SUSD3: variants seen among roughly 807,000 people sequenced by gnomAD.
The protein encoded by SUSD3 is sushi domain-containing protein 3.
In SUSD3, 18 loss-of-function variants were observed where a neutral mutation model predicts 20.6. The observed-to-expected ratio is 0.87, with a 90% confidence interval of 0.60 to 1.30. The LOEUF is 1.30. Among genes scored for constraint, SUSD3 ranks in the 50% most tolerant of loss-of-function variants. The pLI is 0.00. For missense variants in SUSD3, 306 were observed against 346.9 expected (o/e 0.88, Z 0.94); for synonymous variants, 137 against 141.5 (o/e 0.97, Z 0.23).
At chr9:93,058,993 C>T (rs1825395263) in intron 1 of SUSD3, among the ~76,000 whole-genome samples, 163 bp downstream of exon 1, 1 of 152,204 alleles carries the variant, frequency 6.6e-6, no homozygotes. Flanking sequence ...GCCCAGCAGG[C>T]GCCCTAGCGG....
chr9:93,074,182 C>T (rs373504938), intron 1 of SUSD3, among the ~76,000 whole-genome samples: 31 of 152,028 alleles, frequency 2.0e-4, no homozygotes, highest in African/African-American at 6.0e-4. Context: ...TGGTGGCTCA[C>T]GTCTGTAATC....
At chr9:93,076,036 G>A in intron 2 of SUSD3, 64 bp downstream of exon 2, 1 of 1,427,278 alleles carries the variant, frequency 7.0e-7, no homozygotes, top group Non-Finnish European at 9.6e-7. Context: ...TCCTGTCATG[G>A]GGATGGTGTG....
At chr9:93,065,100 G>C (rs1042320163) in intron 1 of SUSD3, among the ~76,000 whole-genome samples, 1 of 152,222 alleles carries the variant, frequency 6.6e-6, no homozygotes, top group Non-Finnish European at 1.5e-5. Flanking sequence ...TGGGACCCTG[G>C]TGGGTGGGAA....
intron 3 of SUSD3, among the ~76,000 whole-genome samples, chr9:93,078,373 C>G (rs1247694337): frequency 6.6e-6 from 1 of 152,194 alleles, no homozygotes; most frequent in Non-Finnish European, 1.5e-5. Flanking sequence ...ATTCTCCTGC[C>G]TCAGCCTTCC....
At chr9:93,075,736 G>GCCCTCC in intron 1 of SUSD3, 48 bp from the exon 2 acceptor site, 1 of 272,216 alleles carries the variant, frequency 3.7e-6, no homozygotes, top group Non-Finnish European at 6.2e-6. Flanking sequence ...TGCCCTGCGT[G>GCCCTCC]CCCACCCCCC....
intron 1 of SUSD3, among the ~76,000 whole-genome samples, chr9:93,059,375 G>T (rs1487813425): frequency 3.1e-4 from 47 of 152,210 alleles, no homozygotes; most frequent in Non-Finnish European, 8.8e-5. Flanking sequence ...GGATCGCCTC[G>T]GCTGTCTCGG....
At chr9:93,082,952 C>T (rs925733070) in intron 4 of SUSD3, among the ~76,000 whole-genome samples, 8 of 152,170 alleles carry the variant, frequency 5.3e-5, no homozygotes, top group Admixed American at 2.6e-4. Flanking sequence ...CTGGTCCCAG[C>T]GCCACAGACC....
At chr9:93,081,640 G>A (rs145162687) in intron 4 of SUSD3, among the ~76,000 whole-genome samples, 5 of 152,260 alleles carry the variant, frequency 3.3e-5, no homozygotes, top group African/African-American at 4.8e-5. Context: ...TACACACACC[G>A]TGCTGGGTCT....
At chr9:93,059,804 C>T (rs903867412) in intron 1 of SUSD3, among the ~76,000 whole-genome samples, 4 of 152,200 alleles carry the variant, frequency 2.6e-5, no homozygotes, top group Non-Finnish European at 5.9e-5. Flanking sequence ...AACTGCGGCT[C>T]AGGGAGCTAA....
At chr9:93,077,814 C>G (rs369983778) in intron 2 of SUSD3, 32 bp from the exon 3 acceptor site, 7 of 1,612,950 alleles carry the variant, frequency 4.3e-6, no homozygotes, top group Non-Finnish European at 5.9e-6. Context: ...GGGCAAACCT[C>G]GCCCAGGAGC....
intron 1 of SUSD3, among the ~76,000 whole-genome samples, chr9:93,067,496 A>G (rs1825760972): frequency 1.3e-5 from 2 of 152,208 alleles, no homozygotes; most frequent in African/African-American, 4.8e-5. Flanking sequence ...GTGAAAAACC[A>G]CCGGACAGTT....
chr9:93,076,108 C>T, intron 2 of SUSD3, 136 bp downstream of exon 2: 2 of 703,416 alleles, frequency 2.8e-6, no homozygotes, highest in South Asian at 3.9e-5. Context: ...GTCCCATTCC[C>T]AACACTGACA....
At chr9:93,076,743 T>TA (rs1472401428) in intron 2 of SUSD3, among the ~76,000 whole-genome samples, 2 of 152,232 alleles carry the variant, frequency 1.3e-5, no homozygotes, top group African/African-American at 4.8e-5. Context: ...TAGGATTAAC[T>TA]ATGATGGAGC....
chr9:93,060,934 T>A (rs1333056406), intron 1 of SUSD3, among the ~76,000 whole-genome samples: 1 of 152,172 alleles, frequency 6.6e-6, no homozygotes, highest in Non-Finnish European at 1.5e-5. Context: ...AGAGTAGATA[T>A]GAAGAGCACA....
intron 2 of SUSD3, 136 bp downstream of exon 2, chr9:93,076,108 C>G: frequency 4.3e-6 from 3 of 703,416 alleles, no homozygotes; most frequent in Non-Finnish European, 6.8e-6. Context: ...GTCCCATTCC[C>G]AACACTGACA....
Position 93,077,911 on chromosome 9 carries a change from A to G in SUSD3, c.343A>G (p.Ile115Val), listed in dbSNP as rs1472326928. ...GATCGCCTCCATTGTGAGCTGTGCC[A>G]TCATCCTGCTCATGTCCATGGCCTT... ...AVIASIVSCA[I>V]ILLMSMAFLT... is the part of the protein sequence containing the mutation. The change falls in exon 3 of 5, where the codon ATC becomes GTC. Residue 115 changes from isoleucine to valine, a missense_variant. Physicochemically the swap from Ile to Val is conservative, Grantham distance 29. Coordinates refer to ENST00000375472, the MANE Select transcript of SUSD3 (RefSeq NM_145006.4). 2 of 1,614,066 alleles carry G rather than the reference A, an allele frequency of 1.2e-6. No homozygotes were observed. Among genetic ancestry groups the G allele is most frequent in the African/African-American group, 1.3e-5 (1 of 74,924 alleles).
Position 93,075,765 on chromosome 9 carries a change from T to A in SUSD3, c.89-19T>A. On this transcript the variant is annotated intron_variant, in intron 1 of 4. Coordinates refer to ENST00000375472, the MANE Select transcript of SUSD3 (RefSeq NM_145006.4). ...ACCCCCCCCCCCCCGCCATGCCTCA[T>A]ACCTGCCTGTCTCCCCAGGCACGTG... 2 of 493,614 alleles carry A rather than the reference T, an allele frequency of 4.1e-6. No homozygotes were observed. Among genetic ancestry groups the A allele is most frequent in the Non-Finnish European group, 5.9e-6 (2 of 336,702 alleles). 30.6% of individuals were successfully genotyped at this position (493,614 alleles called of 1,614,324 possible). A position where few individuals can be genotyped will look rare whatever the true frequency, so the allele number is the denominator to read the frequency against.
At chr9:93,073,387 C>A (rs574082437) in intron 1 of SUSD3, among the ~76,000 whole-genome samples, 1 of 152,186 alleles carries the variant, frequency 6.6e-6, no homozygotes, top group South Asian at 2.1e-4. Flanking sequence ...GCTGGGACTT[C>A]AGGCGCCCGC....
At chr9:93,069,593 T>C (rs1012234497) in intron 1 of SUSD3, among the ~76,000 whole-genome samples, 1 of 152,172 alleles carries the variant, frequency 6.6e-6, no homozygotes, top group African/African-American at 2.4e-5. Context: ...GTATAAAATG[T>C]TTTTCTTAAT....
Sources: gnomAD v4.1 joint callset for allele counts (sites outside exome capture counted in the v4.1 genomes callset) on GRCh38, gnomAD v4.1.1 for gene constraint, MANE v1.5 for transcripts, NCBI Gene and HGNC (gene_info 2026-07-23, HGNC 2026-07-21) for gene names.